Variants in SGO1 observed in about 807,000 individuals in gnomAD.
SGO1 encodes the protein serologically defined breast cancer antigen NY-BR-85.
Under a neutral mutation model 50.5 loss-of-function variants are expected in SGO1, and 39 were observed. That is an observed-to-expected ratio of 0.77 (90% CI 0.60 to 1.01). SGO1 has a LOEUF of 1.01. Ranked by LOEUF, SGO1 falls within the 50% of genes least tolerant of loss-of-function variation. SGO1 has a pLI of 0.00. For missense variants in SGO1, 638 were observed against 606.0 expected, an observed-to-expected ratio of 1.05 and a Z score of -0.55; for synonymous variants, 191 against 205.1, an observed-to-expected ratio of 0.93 and a Z score of 0.59.
intron 8 of SGO1, among the ~76,000 whole-genome samples, chr3:20,161,500 G>A (rs76270847): frequency 4.6e-4 from 70 of 152,222 alleles, no homozygotes; most frequent in African/African-American, 1.6e-3. Context: ...TAGAACTGAC[G>A]AAATGATATG....
chr3:20,186,326 C>G (rs547634786), upstream of SGO1: 11 of 152,422 alleles, frequency 7.2e-5, no homozygotes, highest in Admixed American at 1.3e-4. Context: ...ACGTGACGCA[C>G]ATTCGCTCAA....
At position 20,178,296 on chromosome 3, in the gene SGO1, T is replaced by C. The variant is rs1701626027; in HGVS notation, c.391A>G (p.Arg131Gly). The change falls in exon 4 of 8, where the codon AGA becomes GGA. Residue 131 changes from arginine to glycine, a missense_variant. Physicochemically the swap from Arg to Gly is moderately radical, Grantham distance 125. Coordinates refer to ENST00000412997, the MANE Select transcript of SGO1 (RefSeq NM_001199251.3). ...GGTAAATCCTTCACAAATAAATTTC[T>C]GGAGCTGTCATCACTATTGGGGTCC... Reference protein sequence around the residue: ...GMDPNSDDSSRNLFVKDLPQI... With the variant: ...GMDPNSDDSSGNLFVKDLPQI... The C allele has an allele frequency of 6.2e-7, 1 of 1,612,694 alleles. No homozygotes were observed. The highest frequency in any genetic ancestry group is 8.5e-7 in the Non-Finnish European group (1 of 1,178,982).
downstream of SGO1, among the ~76,000 whole-genome samples, chr3:20,168,607 T>C (rs1041447531): frequency 6.6e-6 from 1 of 151,978 alleles, no homozygotes; most frequent in Non-Finnish European, 1.5e-5. Flanking sequence ...ATATGGCTAC[T>C]GATCATTTGA....
chr3:20,169,443 C>T, downstream of SGO1: 1 of 983,966 alleles, frequency 1.0e-6, no homozygotes, highest in African/African-American at 1.7e-5. Flanking sequence ...CAGAGAGATA[C>T]TCTATTTTTG....
At chr3:20,175,210 T>C (rs2125311122) in intron 5 of SGO1, among the ~76,000 whole-genome samples, 155 bp from the exon 6 acceptor site, 1 of 152,316 alleles carries the variant, frequency 6.6e-6, no homozygotes, top group East Asian at 1.9e-4. Flanking sequence ...CCTGGGAACT[T>C]AAATATTACC....
At position 20,169,527 on chromosome 3, in the gene SGO1, C is replaced by A. The variant is rs546066020; in HGVS notation, c.*1177G>T. ...TTGCTCTTTAAAAATGAATAACCTACAAAGTTCTAAAATTTAAAGAGGTAT... is the reference window on the plus strand; with the variant it reads ...TTGCTCTTTAAAAATGAATAACCTAAAAAGTTCTAAAATTTAAAGAGGTAT... On this transcript the variant is annotated 3_prime_UTR_variant, in exon 8 of 8. Coordinates refer to ENST00000412997, the MANE Select transcript of SGO1 (RefSeq NM_001199251.3). The A allele has an allele frequency of 3.1e-6, 3 of 981,966 alleles. No homozygotes were observed. The highest frequency in any genetic ancestry group is 3.6e-6 in the Non-Finnish European group (3 of 826,822). 60.8% of individuals were successfully genotyped at this position (981,966 alleles called of 1,614,324 possible).
chr3:20,176,151 CA>C (rs377107658), intron 5 of SGO1, among the ~76,000 whole-genome samples: 1 of 152,230 alleles, frequency 6.6e-6, no homozygotes, highest in African/African-American at 2.4e-5. Context: ...ATGGACATAT[CA>C]ATTTAAAAGT....
intron 8 of SGO1, among the ~76,000 whole-genome samples, chr3:20,164,461 T>C (rs1380184273): frequency 6.6e-6 from 1 of 152,160 alleles, no homozygotes; most frequent in Non-Finnish European, 1.5e-5. Flanking sequence ...TTATTAGTGA[T>C]CACTTACAGC....
downstream of SGO1, among the ~76,000 whole-genome samples, chr3:20,166,368 A>C (rs1301645741): frequency 1.3e-5 from 2 of 152,232 alleles, no homozygotes; most frequent in African/African-American, 2.4e-5. Context: ...GGATAAAGAA[A>C]ATATGTATAC....
chr3:20,169,031 A>T, downstream of SGO1: 2 of 983,880 alleles, frequency 2.0e-6, no homozygotes, highest in Non-Finnish European at 2.4e-6. Context: ...GGGAGTAGTA[A>T]GAAAAAAAAA....
Position 20,170,683 on chromosome 3 carries a change from AAAC to A in SGO1, c.*18_*20del. ...ACAGAAAGAGGTGTAGATTGAATTTAAACAATATCCAACAAAACCTTCATTGTA... is the reference window on the plus strand; with the variant it reads ...ACAGAAAGAGGTGTAGATTGAATTTAAATATCCAACAAAACCTTCATTGTA... On this transcript the variant is annotated 3_prime_UTR_variant, in exon 8 of 8. Transcript: ENST00000412997. 1 of 1,555,268 alleles carries A rather than the reference AAAC, an allele frequency of 6.4e-7. No homozygotes were observed. The highest frequency in any genetic ancestry group is 2.2e-5 in the Admixed American group (1 of 44,796).
chr3:20,163,075 G>A (rs1167408887), intron 8 of SGO1, among the ~76,000 whole-genome samples: 5 of 151,998 alleles, frequency 3.3e-5, no homozygotes, highest in African/African-American at 9.7e-5. Flanking sequence ...TTAGGAAAGG[G>A]CAAATTAAAT....
intron 6 of SGO1, among the ~76,000 whole-genome samples, chr3:20,172,410 A>C (rs996996016): frequency 2.0e-5 from 3 of 151,270 alleles, no homozygotes; most frequent in Admixed American, 2.0e-4. Context: ...CTGAGGCAGG[A>C]GAATCGCTTG....
chr3:20,168,277 G>C (rs1357746901), downstream of SGO1, among the ~76,000 whole-genome samples: 1 of 152,196 alleles, frequency 6.6e-6, no homozygotes, highest in East Asian at 1.9e-4. Flanking sequence ...CAATGGTCTA[G>C]AGCAGGAGTT....
chr3:20,176,019 G>A (rs865907638), intron 5 of SGO1, among the ~76,000 whole-genome samples: 1 of 152,156 alleles, frequency 6.6e-6, no homozygotes, highest in Non-Finnish European at 1.5e-5. Flanking sequence ...AAGGAAAAGT[G>A]GGGCTATGTC....
chr3:20,164,445 G>C (rs1700193532), intron 8 of SGO1, among the ~76,000 whole-genome samples: 1 of 152,162 alleles, frequency 6.6e-6, no homozygotes, highest in South Asian at 2.1e-4. Flanking sequence ...TTTAGTCTGA[G>C]AAAGGTTATT....
downstream of SGO1, among the ~76,000 whole-genome samples, chr3:20,167,120 A>G (rs554434940): frequency 7.0e-4 from 106 of 152,322 alleles, no homozygotes; most frequent in African/African-American, 2.4e-3. Context: ...TAAACAAATA[A>G]AGCAATGCAA....
chr3:20,181,445 G>A (rs994409514), intron 3 of SGO1, among the ~76,000 whole-genome samples: 10 of 152,178 alleles, frequency 6.6e-5, no homozygotes, highest in South Asian at 4.1e-4. Flanking sequence ...ACTGAAGCAC[G>A]GGTGTACAAT....
intron 6 of SGO1, 58 bp from the exon 7 acceptor site, chr3:20,171,290 A>C (rs1263460056): frequency 7.4e-7 from 1 of 1,348,586 alleles, no homozygotes; most frequent in Non-Finnish European, 1.0e-6. Flanking sequence ...CAAAAACTTA[A>C]ATTGTACTCA....
Sources: gnomAD v4.1 joint callset for allele counts (sites outside exome capture counted in the v4.1 genomes callset) on GRCh38, gnomAD v4.1.1 for gene constraint, MANE v1.5 for transcripts, NCBI Gene and HGNC (gene_info 2026-07-23, HGNC 2026-07-21) for gene names.